Variants in SNX29 observed in about 807,000 individuals in gnomAD.
SNX29 encodes the protein sorting nexin 29.
Under a neutral mutation model 102.1 loss-of-function variants are expected in SNX29, and 78 were observed. The observed-to-expected ratio is 0.76, with a 90% CI of 0.64 to 0.92. The LOEUF (loss-of-function observed/expected upper bound fraction) is 0.92. Among genes scored for constraint, SNX29 ranks in the 40% least tolerant of loss-of-function variants. The probability of loss-of-function intolerance (pLI) is 0.00; values close to 1 mark genes in which losing one functional copy is unlikely to be tolerated. For synonymous variants in SNX29, 580 were observed against 414.5 expected (o/e 1.40, Z -4.85); for missense variants, 1,280 against 1,061.7 (o/e 1.21, Z -2.86).
chr16:12,079,371 C>G (rs945599753), intron 11 of SNX29, among the ~76,000 whole-genome samples: 8 of 152,206 alleles, frequency 5.3e-5, no homozygotes, highest in African/African-American at 1.9e-4. Context: ...GCAAGGAAGA[C>G]TAGGTTTGAA....
intron 8 of SNX29, among the ~76,000 whole-genome samples, chr16:12,061,114 C>G (rs1005080027): frequency 6.6e-6 from 1 of 152,214 alleles, no homozygotes; most frequent in Non-Finnish European, 1.5e-5. Context: ...AGCTCCCCTC[C>G]TCAAGCCCTG....
At chr16:12,074,743 A>G (rs1248465542) in intron 10 of SNX29, among the ~76,000 whole-genome samples, 1 of 152,202 alleles carries the variant, frequency 6.6e-6, no homozygotes, top group Non-Finnish European at 1.5e-5. Flanking sequence ...TCTCCTGGAT[A>G]ATATCCTGTA....
At chr16:12,255,277 C>T (rs1188813046) in intron 14 of SNX29, among the ~76,000 whole-genome samples, 1 of 152,232 alleles carries the variant, frequency 6.6e-6, no homozygotes, top group East Asian at 1.9e-4. Context: ...CTCACTGCCA[C>T]CTCTGCTTCC....
chr16:12,202,392 T>C (rs1442171006), intron 14 of SNX29, among the ~76,000 whole-genome samples: 1 of 152,230 alleles, frequency 6.6e-6, no homozygotes, highest in Non-Finnish European at 1.5e-5. Flanking sequence ...GTTATTTGCC[T>C]CTCAAGTGCT....
At chr16:12,393,986 T>G (rs992276100) in intron 16 of SNX29, among the ~76,000 whole-genome samples, 1 of 152,252 alleles carries the variant, frequency 6.6e-6, no homozygotes, top group Non-Finnish European at 1.5e-5. Context: ...TGTGCATTTC[T>G]GTCTGTTCCT....
At chr16:12,437,580 C>T (rs2085594188) in intron 18 of SNX29, among the ~76,000 whole-genome samples, 1 of 152,160 alleles carries the variant, frequency 6.6e-6, no homozygotes, top group Admixed American at 6.5e-5. Flanking sequence ...CTCTGTCTCC[C>T]CGAATTGCTG....
chr16:12,562,878 T>C (rs12935722), intron 20 of SNX29, among the ~76,000 whole-genome samples: 39,744 of 152,048 alleles, frequency 0.26, 5,773 homozygotes, highest in East Asian at 0.44. Flanking sequence ...CTTTGTCATT[T>C]CTAGTTTTGG....
At chr16:12,272,935 A>G (rs559214174) in intron 14 of SNX29, among the ~76,000 whole-genome samples, 2 of 152,346 alleles carry the variant, frequency 1.3e-5, no homozygotes, top group East Asian at 3.9e-4. Context: ...CACACGCAAC[A>G]CGCAGCTCCC....
chr16:12,475,084 A>G (rs149438118), intron 18 of SNX29, among the ~76,000 whole-genome samples: 44 of 152,312 alleles, frequency 2.9e-4, no homozygotes, highest in African/African-American at 1.0e-3. Context: ...AATTCTCTCC[A>G]TATCACTTTG....
At chr16:12,102,479 T>G (rs1423456589) in intron 11 of SNX29, among the ~76,000 whole-genome samples, 1 of 152,240 alleles carries the variant, frequency 6.6e-6, no homozygotes, top group Non-Finnish European at 1.5e-5. Context: ...TGAGATGGTA[T>G]CTCATTGTGG....
chr16:12,451,787 C>T (rs941593412), intron 18 of SNX29, among the ~76,000 whole-genome samples: 1 of 152,212 alleles, frequency 6.6e-6, no homozygotes, highest in Non-Finnish European at 1.5e-5. Flanking sequence ...TCGCTTGAAC[C>T]TGGAAGGCAG....
chr16:12,572,872 G>A lies in SNX29; in HGVS notation c.*4243G>A, dbSNP rs767857592. 2 of 1,062,094 alleles carry A rather than the reference G, an allele frequency of 1.9e-6. No individual in the cohort carries two copies. Among genetic ancestry groups the A allele is most frequent in the Non-Finnish European group, 2.3e-6 (2 of 876,670 alleles). The allele number at this position is 1,062,094 out of a possible 1,614,324, so 65.8% of individuals were successfully genotyped here. On this transcript the variant is annotated 3_prime_UTR_variant, in exon 21 of 21. Coordinates refer to ENST00000566228, the MANE Select transcript of SNX29 (RefSeq NM_032167.5). The stretch of plus-strand genomic sequence containing the variant: ...GGTTTCAGCCCTAAAGGTAATGATT[G>A]TCTTGACTCTGCCTTGGCATTTCGC...
At chr16:12,022,685 G>A (rs1392925423) in intron 3 of SNX29, among the ~76,000 whole-genome samples, 2 of 152,048 alleles carry the variant, frequency 1.3e-5, no homozygotes. Context: ...AATGTTCCTT[G>A]ACTTATGATG....
At chr16:12,568,303 T>TAAAAAAAGA (rs10633753) in intron 20 of SNX29, among the ~76,000 whole-genome samples, 2 of 80,648 alleles carry the variant, frequency 2.5e-5, no homozygotes, top group East Asian at 4.5e-4. Flanking sequence ...CGGAGTGCTG[T>TAAAAAAAGA]TAAAAAAAAA....
intron 18 of SNX29, among the ~76,000 whole-genome samples, chr16:12,416,711 G>C (rs187957172): frequency 6.6e-6 from 1 of 152,280 alleles, no homozygotes; most frequent in African/African-American, 2.4e-5. Context: ...GGGGGAGCAG[G>C]CATGTCACAT....
chr16:12,558,533 C>G (rs1212727340), intron 20 of SNX29, among the ~76,000 whole-genome samples: 2 of 152,224 alleles, frequency 1.3e-5, no homozygotes, highest in East Asian at 1.9e-4. Context: ...GGGATGCACA[C>G]ACCCCACAGT....
chr16:12,565,694 A>G (rs1025354744), intron 20 of SNX29, among the ~76,000 whole-genome samples: 1 of 151,830 alleles, frequency 6.6e-6, no homozygotes, highest in Non-Finnish European at 1.5e-5. Flanking sequence ...CCTTCCAGGA[A>G]GGGGAAGCAG....
intron 20 of SNX29, among the ~76,000 whole-genome samples, chr16:12,528,423 C>G (rs892840126): frequency 7.9e-5 from 12 of 152,150 alleles, no homozygotes; most frequent in Admixed American, 7.2e-4. Context: ...TGGTCTCAGA[C>G]TCCTGACCTC....
At chr16:12,009,005 C>T (rs1171423909) in intron 3 of SNX29, among the ~76,000 whole-genome samples, 1 of 151,610 alleles carries the variant, frequency 6.6e-6, no homozygotes, top group Non-Finnish European at 1.5e-5. Flanking sequence ...GCCTCCCAAA[C>T]TGGTGGGATT....
Sources: allele counts gnomAD v4.1 joint callset (sites outside exome capture counted in the v4.1 genomes callset), GRCh38; gene constraint gnomAD v4.1.1; transcripts MANE v1.5; gene names NCBI Gene and HGNC (gene_info 2026-07-23, HGNC 2026-07-21).